The following MGST1 variants were observed in gnomAD, a reference collection of about 807,000 sequenced individuals.
MGST1 encodes microsomal glutathione S-transferase 1, also known as glutathione S-transferase 12.
A neutral mutation model predicts 8.9 loss-of-function variants in MGST1; 5 were observed. That is an observed-to-expected ratio of 0.56 (90% CI 0.29 to 1.19). The LOEUF is 1.19. Among genes scored for constraint, MGST1 ranks in the 50% most tolerant of loss-of-function variants. MGST1 has a pLI of 0.08. For synonymous variants in MGST1, 54 were observed against 67.8 expected (o/e 0.80, Z 1.00); for missense variants, 182 against 187.4 (o/e 0.97, Z 0.17).
chr12:16,591,989 A>G (rs889663828), downstream of MGST1, among the ~76,000 whole-genome samples: 1 of 152,100 alleles, frequency 6.6e-6, no homozygotes, highest in African/African-American at 2.4e-5. This position sits in a 1 kb window ranked among gnomAD's most constrained non-coding sequence, Gnocchi z 4.1. Flanking sequence ...TTTGACAATA[A>G]TAGTGACTAT....
intron 1 of MGST1, among the ~76,000 whole-genome samples, chr12:16,420,610 T>G (rs1740628633): frequency 6.6e-6 from 1 of 152,132 alleles, no homozygotes; most frequent in African/African-American, 2.4e-5. Context: ...CAACAAAGGC[T>G]CCTCAGATTC....
At chr12:16,574,499 A>G (rs188567403) in intron 4 of MGST1, among the ~76,000 whole-genome samples, 6 of 152,180 alleles carry the variant, frequency 3.9e-5, no homozygotes, top group Non-Finnish European at 1.5e-5. Flanking sequence ...ATTACTTGGT[A>G]TTTTTTCTTA....
chr12:16,531,103 A>G (rs1941719897), intron 4 of MGST1, among the ~76,000 whole-genome samples: 1 of 147,122 alleles, frequency 6.8e-6, no homozygotes, highest in Non-Finnish European at 1.5e-5. Flanking sequence ...GTTGCAGCAC[A>G]TGTGTTCATC....
At chr12:16,446,564 A>G (rs569966896) in intron 4 of MGST1, among the ~76,000 whole-genome samples, 4 of 152,038 alleles carry the variant, frequency 2.6e-5, no homozygotes, top group East Asian at 1.9e-4. Flanking sequence ...CCAGAAAGTT[A>G]TGCCTCCCTC....
intron 4 of MGST1, among the ~76,000 whole-genome samples, chr12:16,450,420 A>G (rs1393663396): frequency 1.3e-5 from 2 of 151,968 alleles, no homozygotes; most frequent in Non-Finnish European, 2.9e-5. Context: ...CCTTGGGAAA[A>G]TGAGCCACTA....
At position 16,576,263 on chromosome 12, in the gene MGST1, G is replaced by A. The variant is rs999222670; in HGVS notation, n.483-13265G>A. Reference sequence around the variant, plus strand: ...CTACTGTATGCAGGATAGATGCAGGGAAGCATGAAAGGTCCATCCTGTCTG... The same window carrying A: ...CTACTGTATGCAGGATAGATGCAGGAAAGCATGAAAGGTCCATCCTGTCTG... On this transcript the variant is annotated intron_variant and non_coding_transcript_variant, in intron 4 of 4. Transcript: ENST00000538857. The surrounding 1 kb of genome is among the most constrained non-coding windows in gnomAD (Gnocchi z 4.1). 6.6e-6 allele frequency among the ~76,000 whole-genome samples: 1 copy of A among 152,056 alleles called. No homozygotes were observed. Among genetic ancestry groups the A allele is most frequent in the Non-Finnish European group, 1.5e-5 (1 of 68,014 alleles).
At chr12:16,488,596 T>A (rs1941415723) in intron 4 of MGST1, among the ~76,000 whole-genome samples, 1 of 152,130 alleles carries the variant, frequency 6.6e-6, no homozygotes, top group African/African-American at 2.4e-5. Context: ...TTTCATATAG[T>A]CCCCTAGAAT....
chr12:16,358,782 T>A (rs1939851806), intron 3 of MGST1, among the ~76,000 whole-genome samples: 2 of 27,474 alleles, frequency 7.3e-5, no homozygotes, highest in Non-Finnish European at 2.9e-4. Flanking sequence ...TTCATTCCTT[T>A]TTTTTTTTTT....
intron 4 of MGST1, among the ~76,000 whole-genome samples, chr12:16,476,003 A>G (rs561953100): frequency 6.6e-6 from 1 of 152,178 alleles, no homozygotes; most frequent in South Asian, 2.1e-4. Context: ...GAGGAAGTAG[A>G]TTAGCTTCCT....
At chr12:16,562,920 G>T (rs1366803702) in intron 4 of MGST1, among the ~76,000 whole-genome samples, 2 of 152,164 alleles carry the variant, frequency 1.3e-5, no homozygotes, top group East Asian at 3.9e-4. Flanking sequence ...CTTCCAATTT[G>T]TTGCCCTCCA....
At chr12:16,518,297 G>A (rs150600832) in intron 4 of MGST1, among the ~76,000 whole-genome samples, 77 of 152,046 alleles carry the variant, frequency 5.1e-4, no homozygotes, top group African/African-American at 1.5e-3. Context: ...TCTTCTCTTC[G>A]CCTGGAAATT....
intron 4 of MGST1, among the ~76,000 whole-genome samples, chr12:16,567,233 T>G (rs1225638199): frequency 6.6e-6 from 1 of 151,844 alleles, no homozygotes; most frequent in African/African-American, 2.4e-5. Flanking sequence ...AACAAAAAAC[T>G]ACAACTTGGT....
At chr12:16,399,749 T>C in intron 1 of MGST1, 1 of 1,154,846 alleles carries the variant, frequency 8.7e-7, no homozygotes, top group Non-Finnish European at 1.3e-6. Context: ...GTACTCCTTC[T>C]GTGTACTTCA....
intron 4 of MGST1, among the ~76,000 whole-genome samples, chr12:16,469,755 T>G (rs1941280526): frequency 6.6e-6 from 1 of 152,238 alleles, no homozygotes; most frequent in African/African-American, 2.4e-5. Flanking sequence ...TGCCTTTTGT[T>G]GCCTATGTAA....
intron 1 of MGST1, among the ~76,000 whole-genome samples, chr12:16,415,020 G>A (rs879375232): frequency 1.3e-5 from 2 of 151,986 alleles, no homozygotes; most frequent in Admixed American, 6.5e-5. Context: ...GCAAAACTTC[G>A]CCTCAAAAAA....
At chr12:16,396,640 C>G (rs1313707218) in intron 1 of MGST1, among the ~76,000 whole-genome samples, 1 of 152,044 alleles carries the variant, frequency 6.6e-6, no homozygotes, top group Non-Finnish European at 1.5e-5. Context: ...TACACACCAA[C>G]AGCAACCAAG....
chr12:16,512,125 A>C lies in MGST1; in HGVS notation n.483-77403A>C, dbSNP rs558165749. Reference sequence around the variant, plus strand: ...AGCATGCAGCTAAAATAACAACTATATTTTTAGATTGCTAGTTCTTTTTTC... The same window carrying C: ...AGCATGCAGCTAAAATAACAACTATCTTTTTAGATTGCTAGTTCTTTTTTC... On this transcript the variant is annotated intron_variant and non_coding_transcript_variant, in intron 4 of 4. Coordinates refer to the MGST1 transcript ENST00000538857. 2.0e-5 allele frequency among the ~76,000 whole-genome samples: 3 copies of C among 152,244 alleles called. No individual in the cohort carries two copies. In the South Asian group the frequency reaches 6.2e-4, roughly 32 times the overall value.
At chr12:16,552,236 A>G (rs1488771640) in intron 4 of MGST1, among the ~76,000 whole-genome samples, 5 of 152,024 alleles carry the variant, frequency 3.3e-5, no homozygotes, top group Non-Finnish European at 5.9e-5. Context: ...ATCTGTATAT[A>G]TATTTAATTG....
chr12:16,580,527 G>C (rs1943127038), intron 4 of MGST1, among the ~76,000 whole-genome samples: 1 of 152,158 alleles, frequency 6.6e-6, no homozygotes, highest in Non-Finnish European at 1.5e-5. Context: ...AAAACCTTTG[G>C]AGGACTTTTC....
Sources: gnomAD v4.1 joint callset for allele counts (sites outside exome capture counted in the v4.1 genomes callset) on GRCh38, gnomAD v4.1.1 for gene constraint, Gnocchi (gnomAD v3.1) non-coding constraint, MANE v1.5 for transcripts, NCBI Gene and HGNC (gene_info 2026-07-23, HGNC 2026-07-21) for gene names.